Variants in RGS6 observed in about 807,000 individuals in gnomAD.
RGS6 encodes regulator of G protein signaling 6, also known as regulator of G-protein signaling 6.
RGS6 carries 30 observed loss-of-function variants against 78.5 expected under a neutral mutation model. That is an observed-to-expected ratio of 0.38 (90% CI 0.29 to 0.52). The LOEUF (loss-of-function observed/expected upper bound fraction) is 0.52. Ranked by LOEUF, RGS6 falls within the 20% of genes least tolerant of loss-of-function variation. The pLI is 0.85. For missense variants in RGS6, 495 were observed against 609.7 expected, an observed-to-expected ratio of 0.81 and a Z score of 1.98; for synonymous variants, 206 against 206.0, an observed-to-expected ratio of 1.00 and a Z score of 0.00.
chr14:72,488,972 G>C (rs774023481), intron 12 of RGS6, among the ~76,000 whole-genome samples: 32 of 152,148 alleles, frequency 2.1e-4, no homozygotes, highest in Non-Finnish European at 7.3e-5. Flanking sequence ...CAATCCCTAT[G>C]TTCTACTTCA....
the RGS6 span, among the ~76,000 whole-genome samples, chr14:72,589,427 G>A: frequency 6.6e-6 from 1 of 152,178 alleles, no homozygotes; most frequent in Admixed American, 6.5e-5. Context: ...GCACACACCT[G>A]TAATCCCAGC....
At chr14:72,092,375 A>G (rs922589457) in intron 2 of RGS6, among the ~76,000 whole-genome samples, 14 of 151,698 alleles carry the variant, frequency 9.2e-5, no homozygotes, top group African/African-American at 3.4e-4. Flanking sequence ...ATTAATTAAG[A>G]TGGGAAAGTC....
intron 3 of RGS6, among the ~76,000 whole-genome samples, chr14:72,394,884 G>C (rs2090832481): frequency 6.6e-6 from 1 of 152,178 alleles, no homozygotes; most frequent in Admixed American, 6.6e-5. Context: ...TTTATGTTCA[G>C]AGATTGCAGT....
intron 9 of RGS6, among the ~76,000 whole-genome samples, chr14:72,473,622 C>G (rs775079379): frequency 1.3e-5 from 2 of 152,134 alleles, no homozygotes; most frequent in African/African-American, 2.4e-5. Context: ...ACGGTTAATT[C>G]TTGTTATCCA....
At chr14:72,148,662 G>A (rs540141733) in intron 2 of RGS6, among the ~76,000 whole-genome samples, 14 of 152,262 alleles carry the variant, frequency 9.2e-5, no homozygotes, top group African/African-American at 3.1e-4. Flanking sequence ...ATTGAATATG[G>A]TGTGGGGGCA....
chr14:72,158,240 G>A (rs2096800685), intron 2 of RGS6, among the ~76,000 whole-genome samples: 1 of 152,140 alleles, frequency 6.6e-6, no homozygotes, highest in African/African-American at 2.4e-5. Context: ...CTTCCTCCTT[G>A]GCTTGTAGAT....
intron 2 of RGS6, among the ~76,000 whole-genome samples, chr14:72,288,221 T>C (rs954789762): frequency 3.3e-5 from 5 of 152,218 alleles, no homozygotes; most frequent in Non-Finnish European, 7.4e-5. Flanking sequence ...AATGGAAATA[T>C]TGTATATAGG....
At chr14:71,983,641 C>T (rs1435753895) in intron 2 of RGS6, among the ~76,000 whole-genome samples, 1 of 152,138 alleles carries the variant, frequency 6.6e-6, no homozygotes, top group Non-Finnish European at 1.5e-5. Flanking sequence ...TCGCCTTTGT[C>T]CTACCTCACC....
At chr14:72,226,802 A>C (rs371046872) in intron 2 of RGS6, among the ~76,000 whole-genome samples, 316 of 152,306 alleles carry the variant, frequency 2.1e-3, no homozygotes, top group Middle Eastern at 6.8e-3. Context: ...TCCTGGGTTC[A>C]AGCGATTCTC....
chr14:72,254,472 C>A (rs2056612718), intron 2 of RGS6, among the ~76,000 whole-genome samples: 1 of 152,178 alleles, frequency 6.6e-6, no homozygotes, highest in South Asian at 2.1e-4. Context: ...CTTGACAGTG[C>A]ATGCCTGAGA....
chr14:72,478,407 A>G, intron 12 of RGS6, 78 bp downstream of exon 12: 5 of 1,012,846 alleles, frequency 4.9e-6, no homozygotes, highest in Non-Finnish European at 7.6e-6. Flanking sequence ...TGGTTAACGA[A>G]TGTGTTCAAT....
chr14:72,044,140 A>G (rs1282167149), intron 2 of RGS6, among the ~76,000 whole-genome samples: 2 of 152,154 alleles, frequency 1.3e-5, no homozygotes, highest in Non-Finnish European at 2.9e-5. Flanking sequence ...GATTTCTAGC[A>G]ATTCCTTTAG....
At chr14:72,194,936 G>A (rs2039667017) in intron 2 of RGS6, among the ~76,000 whole-genome samples, 1 of 152,156 alleles carries the variant, frequency 6.6e-6, no homozygotes, top group African/African-American at 2.4e-5. Flanking sequence ...GCTGGGTGCA[G>A]TGGCTCACAC....
chr14:72,529,142 G>A (rs954636604), intron 15 of RGS6, among the ~76,000 whole-genome samples: 1 of 152,230 alleles, frequency 6.6e-6, no homozygotes, highest in Non-Finnish European at 1.5e-5. Flanking sequence ...TTCGTTGCTT[G>A]GGGGAGGAGT....
At chr14:72,149,758 G>A (rs1482528301) in intron 2 of RGS6, among the ~76,000 whole-genome samples, 2 of 152,140 alleles carry the variant, frequency 1.3e-5, no homozygotes, top group Non-Finnish European at 2.9e-5. Flanking sequence ...GGGGTGTCTA[G>A]TCTACAGATT....
At chr14:72,358,209 A>G (rs531413328) in intron 3 of RGS6, among the ~76,000 whole-genome samples, 2 of 152,362 alleles carry the variant, frequency 1.3e-5, no homozygotes, top group South Asian at 4.1e-4. Context: ...GCAGGGGCAG[A>G]GCCCTCATGG....
chr14:71,979,048 C>T lies in RGS6; in HGVS notation c.84+14173C>T, dbSNP rs965607796. Among the ~76,000 whole-genome samples, 155 of 151,602 alleles carry T rather than the reference C, an allele frequency of 1.0e-3. No homozygotes were observed. The East Asian group carries it at 0.023, about 22-fold the overall frequency. ...TCTTCTAGACTTTCTAGTTTATTTG[C>T]GTAGAGGTGTTTATAGTATTCTCTG... On this transcript the variant is annotated intron_variant, in intron 2 of 17. Coordinates refer to ENST00000553525, the MANE Select transcript of RGS6 (RefSeq NM_001204424.2).
intron 2 of RGS6, among the ~76,000 whole-genome samples, chr14:72,209,334 T>G (rs1009307555): frequency 1.1e-4 from 17 of 152,218 alleles, no homozygotes; most frequent in Non-Finnish European, 1.8e-4. Context: ...AAGGCAATAA[T>G]CATTTGAATC....
At position 72,458,324 on chromosome 14, in the gene RGS6, A is replaced by G. The variant is rs772816602; in HGVS notation, c.289A>G (p.Ile97Val). ...LIAAQGYIFP[I>V]SDHVLTMKDD... The stretch of plus-strand genomic sequence containing the variant: ...CGCTGCCCAGGGCTACATCTTTCCA[A>G]TCTCAGACCATGTTCTCACCATGAA... The change falls in exon 5 of 18, where the codon ATC (isoleucine) becomes GTC (valine). Residue 97 changes from isoleucine (I) to valine (V), a missense_variant. Transcript: ENST00000553525. 3.7e-6 allele frequency: 6 copies of G among 1,614,076 alleles called. No homozygotes were observed. The highest frequency in any genetic ancestry group is 4.2e-6 in the Non-Finnish European group (5 of 1,179,994).
Sources: allele counts gnomAD v4.1 joint callset (sites outside exome capture counted in the v4.1 genomes callset), GRCh38; gene constraint gnomAD v4.1.1; transcripts MANE v1.5; gene names NCBI Gene and HGNC (gene_info 2026-07-23, HGNC 2026-07-21).